The following CNTN4 variants were observed in gnomAD, a reference collection of about 807,000 sequenced individuals.
CNTN4 encodes the protein contactin 4.
Under a neutral mutation model 122.5 loss-of-function variants are expected in CNTN4, and 77 were observed. The observed-to-expected ratio is 0.63, with a 90% CI of 0.52 to 0.76. The LOEUF is 0.76. Among genes scored for constraint, CNTN4 ranks in the 30% least tolerant of loss-of-function variants. CNTN4 has a pLI of 0.00. For synonymous variants in CNTN4, 512 were observed against 447.0 expected, an observed-to-expected ratio of 1.15 and a Z score of -1.83; for missense variants, 1,256 against 1,259.1, an observed-to-expected ratio of 1.00 and a Z score of 0.04.
intron 3 of CNTN4, chr3:2,362,797 A>C (rs2045212069): frequency 5.1e-6 from 1 of 195,632 alleles, no homozygotes; most frequent in Non-Finnish European, 1.1e-5. Flanking sequence ...GGGAAAGAGA[A>C]AAAGGGAAGC....
intron 4 of CNTN4, among the ~76,000 whole-genome samples, chr3:2,632,554 C>T (rs2082490270): frequency 2.0e-5 from 3 of 152,282 alleles, no homozygotes; most frequent in South Asian, 4.1e-4. Flanking sequence ...TTCTCATGCT[C>T]ACTGTGGGGC....
At chr3:2,988,578 T>C (rs991812519) in intron 14 of CNTN4, 106 bp downstream of exon 14, 2 of 1,158,728 alleles carry the variant, frequency 1.7e-6, no homozygotes, top group African/African-American at 3.0e-5. Context: ...CAGATACCAC[T>C]GTATTGCTAA....
At chr3:2,628,103 T>G (rs2150007357) in intron 4 of CNTN4, among the ~76,000 whole-genome samples, 1 of 152,304 alleles carries the variant, frequency 6.6e-6, no homozygotes, top group East Asian at 1.9e-4. Context: ...GTGCCTCCAT[T>G]AGTTGTCACC....
chr3:2,252,183 T>G (rs1049686764), intron 2 of CNTN4, among the ~76,000 whole-genome samples: 1 of 151,986 alleles, frequency 6.6e-6, no homozygotes, highest in East Asian at 1.9e-4. Flanking sequence ...ATAATTGAAT[T>G]TATTTTTCCC....
At chr3:2,669,804 C>G (rs569733436) in intron 4 of CNTN4, among the ~76,000 whole-genome samples, 30 of 152,188 alleles carry the variant, frequency 2.0e-4, no homozygotes, top group Admixed American at 6.5e-4. Context: ...CTTTGTTCTC[C>G]TTGGTTTCCA....
intron 7 of CNTN4, among the ~76,000 whole-genome samples, chr3:2,844,080 C>A (rs527725846): frequency 6.6e-6 from 1 of 152,284 alleles, no homozygotes; most frequent in South Asian, 2.1e-4. Context: ...CACGTCCCTC[C>A]TAGCAATGGG....
At chr3:2,898,753 T>C (rs1197626425) in intron 10 of CNTN4, among the ~76,000 whole-genome samples, 1 of 152,230 alleles carries the variant, frequency 6.6e-6, no homozygotes, top group Admixed American at 6.5e-5. Flanking sequence ...TTTCAAAAGT[T>C]TGGCTTCATT....
intron 6 of CNTN4, among the ~76,000 whole-genome samples, chr3:2,752,319 A>G (rs1275673282): frequency 1.3e-5 from 2 of 152,204 alleles, no homozygotes; most frequent in Non-Finnish European, 2.9e-5. Context: ...GGGAACATGC[A>G]AAATTCTCTC....
chr3:2,351,374 A>G (rs991368477), intron 3 of CNTN4, among the ~76,000 whole-genome samples: 1 of 152,202 alleles, frequency 6.6e-6, no homozygotes, highest in South Asian at 2.1e-4. Flanking sequence ...CAAAGTCTTG[A>G]TGTTCAGCAT....
At position 2,946,497 on chromosome 3, in the gene CNTN4, TC is replaced by T. The variant is rs991386144; in HGVS notation, c.1358+20721del. Among the ~76,000 whole-genome samples, 17 of 152,230 alleles carry T rather than the reference TC, an allele frequency of 1.1e-4. No individual in the cohort carries two copies. In the South Asian group the frequency reaches 1.7e-3, roughly 15 times the overall value. On this transcript the variant is annotated intron_variant, in intron 13 of 24. Transcript: ENST00000418658. ...TTTCTAGCAAGAAGAGTATTTAGAA[TC>T]CCACCAGAAGGTTCCAAAAATCATC...
rs770465722 is a variant in CNTN4, at chr3:2,568,317, GAAAAAA to G, written c.-88-3081_-88-3076del. ...GAAGTTTTGTTCTGTGCAAGAATGT[GAAAAAA>G]AAAAAAAAAAAAAAAAACCACCCTG... On this transcript the variant is annotated intron_variant, in intron 3 of 24. Transcript: ENST00000418658. Among the ~76,000 whole-genome samples, 4 of 71,034 alleles carry G rather than the reference GAAAAAA, an allele frequency of 5.6e-5. No individual in the cohort carries two copies. The East Asian group carries it at 2.2e-3, about 38-fold the overall frequency. 46.6% of individuals were successfully genotyped at this position (71,034 alleles called of 152,430 possible). A position where few individuals can be genotyped will look rare whatever the true frequency, so the allele number is the denominator to read the frequency against.
intron 3 of CNTN4, among the ~76,000 whole-genome samples, chr3:2,507,566 T>C (rs1335423051): frequency 6.6e-6 from 1 of 151,522 alleles, no homozygotes; most frequent in Non-Finnish European, 1.5e-5. Flanking sequence ...AAACCCCGTC[T>C]CTACTAAAAA....
intron 4 of CNTN4, among the ~76,000 whole-genome samples, chr3:2,609,018 A>G (rs912588589): frequency 6.6e-6 from 1 of 152,056 alleles, no homozygotes; most frequent in Non-Finnish European, 1.5e-5. Flanking sequence ...TTTTTTAAAA[A>G]CCCTCATACT....
intron 3 of CNTN4, among the ~76,000 whole-genome samples, chr3:2,470,225 T>C (rs1249441608): frequency 3.0e-4 from 45 of 152,186 alleles, no homozygotes; most frequent in Admixed American, 1.3e-3. Context: ...TACAGGCACA[T>C]GCCACCACGC....
intron 2 of CNTN4, among the ~76,000 whole-genome samples, chr3:2,327,903 AT>A (rs2150262884): frequency 6.6e-6 from 1 of 152,316 alleles, no homozygotes; most frequent in East Asian, 1.9e-4. Context: ...AAAGCAGACC[AT>A]ACAAACTAGA....
chr3:2,684,444 GT>G (rs1192882323), intron 4 of CNTN4, among the ~76,000 whole-genome samples: 3 of 152,086 alleles, frequency 2.0e-5, no homozygotes, highest in Non-Finnish European at 4.4e-5. Context: ...TTTCAAATAT[GT>G]TTGTGGTAGA....
At chr3:2,200,996 G>A (rs1311125348) in intron 2 of CNTN4, among the ~76,000 whole-genome samples, 2 of 152,176 alleles carry the variant, frequency 1.3e-5, no homozygotes, top group Non-Finnish European at 2.9e-5. Context: ...AGTAGTGGGT[G>A]GGTGAATGTG....
At chr3:2,294,882 G>A (rs568394600) in intron 2 of CNTN4, among the ~76,000 whole-genome samples, 111 of 151,652 alleles carry the variant, frequency 7.3e-4, no homozygotes, top group African/African-American at 2.4e-3. Context: ...CTGTGTCCAC[G>A]TGTTCTCATT....
chr3:2,277,992 A>G, intron 2 of CNTN4, among the ~76,000 whole-genome samples: 1 of 152,302 alleles, frequency 6.6e-6, no homozygotes, highest in South Asian at 2.1e-4. Context: ...TTTGAGGACC[A>G]ATCCCTTCAG....
Sources: gnomAD v4.1 joint callset for allele counts (sites outside exome capture counted in the v4.1 genomes callset) on GRCh38, gnomAD v4.1.1 for gene constraint, MANE v1.5 for transcripts, NCBI Gene and HGNC (gene_info 2026-07-23, HGNC 2026-07-21) for gene names.